HINT3: variants seen among roughly 807,000 people sequenced by gnomAD.
HINT3 encodes histidine triad nucleotide binding protein 3.
HINT3 carries 16 observed loss-of-function variants against 19.1 expected under a neutral mutation model. The observed-to-expected ratio is 0.84, with a 90% CI of 0.57 to 1.27. The LOEUF is 1.27. Among genes scored for constraint, HINT3 ranks in the 50% most tolerant of loss-of-function variants. The pLI is 0.00. For missense variants in HINT3, 197 were observed against 225.8 expected (o/e 0.87, Z 0.82); for synonymous variants, 75 against 84.8 (o/e 0.88, Z 0.63).
Position 125,973,065 on chromosome 6 carries a change from C to CTTTTTTTTTTTTTT in HINT3, c.389+752_389+765dup, listed in dbSNP as rs869084942. On this transcript the variant is annotated intron_variant, in intron 3 of 4. Coordinates refer to ENST00000229633, the MANE Select transcript of HINT3 (RefSeq NM_138571.5). Reference sequence around the variant, plus strand: ...AAGCACATGATGTTCAATTTTTCAACTTTTTTTTTTTTTTTTTTTTTTTTT... The same window carrying CTTTTTTTTTTTTTT: ...AAGCACATGATGTTCAATTTTTCAACTTTTTTTTTTTTTTTTTTTTTTTTTTTTTTTTTTTTTTT... 4.0e-5 allele frequency among the ~76,000 whole-genome samples: 3 copies of CTTTTTTTTTTTTTT among 74,482 alleles called. 1 individual carries two copies. The highest frequency in any genetic ancestry group is 1.6e-4 in the African/African-American group (3 of 18,656). The allele number at this position is 74,482 out of a possible 152,430, so 48.9% of individuals were successfully genotyped here.
At chr6:125,957,926 C>T (rs777475027) in intron 1 of HINT3, among the ~76,000 whole-genome samples, 6 of 152,030 alleles carry the variant, frequency 3.9e-5, no homozygotes, top group Admixed American at 1.3e-4. Context: ...AAATATAATT[C>T]CTTCTAAGCA....
Position 125,957,173 on chromosome 6 carries a change from T to A in HINT3, c.196T>A (p.Cys66Ser), listed in dbSNP as rs895668347. ...GGACCCGGGCACCGAACTCCTGCAC[T>A]GCGAGGTGGGCGGCGACGCGCGGCC... ...RQDPGTELLHCENEDLICFKD... is the reference protein window; with the variant it reads ...RQDPGTELLHSENEDLICFKD... Residue 66 changes from cysteine (C) to serine (S), a missense_variant, in exon 1 of 5, where the codon TGC (cysteine) becomes AGC (serine). Cys to Ser is a moderately radical substitution (Grantham distance 112). Coordinates refer to ENST00000229633, the MANE Select transcript of HINT3 (RefSeq NM_138571.5). 8 of 1,543,968 alleles carry A rather than the reference T, an allele frequency of 5.2e-6. No homozygotes were observed. Among genetic ancestry groups the A allele is most frequent in the Non-Finnish European group, 7.0e-6 (8 of 1,142,516 alleles).
chr6:125,967,794 G>A (rs568835866), intron 2 of HINT3, among the ~76,000 whole-genome samples: 1 of 152,128 alleles, frequency 6.6e-6, no homozygotes, highest in South Asian at 2.1e-4. Context: ...AGATGAATTA[G>A]CACCAAAATT....
At position 125,956,786 on chromosome 6, in the gene HINT3, T is replaced by TTTTGAGGCCGGCCTCCGGC; in HGVS notation, c.-186_-168dup. 1 of 648,206 alleles carries TTTTGAGGCCGGCCTCCGGC rather than the reference T, an allele frequency of 1.5e-6. No individual in the cohort carries two copies. Among genetic ancestry groups the TTTTGAGGCCGGCCTCCGGC allele is most frequent in the Non-Finnish European group, 2.6e-6 (1 of 383,830 alleles). The allele number at this position is 648,206 out of a possible 1,614,324, so 40.2% of individuals were successfully genotyped here. ...TTGCGCGCCCTCTAGTGGCAGCCGG[T>TTTTGAGGCCGGCCTCCGGC]TTTGAGGCCGGCCTCCGGCTTTGAA... On this transcript the variant is annotated 5_prime_UTR_variant, in exon 1 of 5. Transcript: ENST00000229633.
At chr6:125,962,713 T>C (rs1335976492) in intron 1 of HINT3, among the ~76,000 whole-genome samples, 3 of 152,144 alleles carry the variant, frequency 2.0e-5, no homozygotes, top group African/African-American at 7.2e-5. Flanking sequence ...TAAACCTCCA[T>C]ATGGTGTTGT....
At chr6:125,961,459 T>C (rs2326204) in intron 1 of HINT3, among the ~76,000 whole-genome samples, 108,801 of 152,088 alleles carry the variant, frequency 0.72, 39,482 homozygotes, top group East Asian at 0.95. Flanking sequence ...CCCTTCCCAC[T>C]AGTTGCAAGT....
chr6:125,974,993 C>T lies in HINT3; in HGVS notation c.516+20C>T, dbSNP rs760773184. On this transcript the variant is annotated intron_variant, in intron 4 of 4. Coordinates refer to ENST00000229633, the MANE Select transcript of HINT3 (RefSeq NM_138571.5). ...ATCACAGTGAGTATTCTTGTTATGT[C>T]AGCAGCATACAAAAATATTTAAAAT... 5.0e-5 allele frequency: 80 copies of T among 1,606,406 alleles called. No homozygotes were observed. The Middle Eastern group carries it at 6.6e-4, about 13-fold the overall frequency.
intron 1 of HINT3, 104 bp from the exon 2 acceptor site, chr6:125,966,783 G>A: frequency 1.4e-6 from 1 of 697,618 alleles, no homozygotes; most frequent in African/African-American, 1.8e-5. Flanking sequence ...TGTAACATAA[G>A]TATCATTTCC....
At position 125,956,854 on chromosome 6, in the gene HINT3, A is replaced by T; in HGVS notation, c.-124A>T. On this transcript the variant is annotated 5_prime_UTR_variant, in exon 1 of 5. Coordinates refer to ENST00000229633, the MANE Select transcript of HINT3 (RefSeq NM_138571.5). ...CTTCCCTCTCCCCAAAGCCTGGATC[A>T]CCGCCCAGCGTCAGGCGAGGGGCGA... 9.9e-7 allele frequency: 1 copy of T among 1,007,334 alleles called. No homozygotes were observed. The highest frequency in any genetic ancestry group is 1.4e-6 in the Non-Finnish European group (1 of 698,344). 62.4% of individuals were successfully genotyped at this position (1,007,334 alleles called of 1,614,324 possible).
chr6:125,957,786 T>G (rs1455064991), intron 1 of HINT3, among the ~76,000 whole-genome samples: 2 of 152,240 alleles, frequency 1.3e-5, no homozygotes, highest in East Asian at 3.8e-4. Context: ...CCCAGATATT[T>G]TTAAACGGAT....
Position 125,972,263 on chromosome 6 carries a change from G to A in HINT3, c.324G>A (p.Glu108=). ...TLRKDQVELV[E]NMVTVGKTIL... ...TGTGTCTTTTCTGTTTTACAGTTGAGAACATGGTAACTGTTGGAAAAACCA... is the reference window on the plus strand; with the variant it reads ...TGTGTCTTTTCTGTTTTACAGTTGAAAACATGGTAACTGTTGGAAAAACCA... The change falls in exon 3 of 5, where the codon GAG becomes GAA. Residue 108 remains glutamate, a synonymous_variant. Transcript: ENST00000229633. 1 of 1,573,792 alleles carries A rather than the reference G, an allele frequency of 6.4e-7. No homozygotes were observed. The highest frequency in any genetic ancestry group is 1.2e-5 in the South Asian group (1 of 85,100).
chr6:125,966,781 A>T lies in HINT3; in HGVS notation c.202-106A>T, dbSNP rs571096799. ...GCCCAGTGGGGGTTAGGTGTAACAT[A>T]AGTATCATTTCCCTGTCAGACTGAG... On this transcript the variant is annotated intron_variant, in intron 1 of 4. Coordinates refer to ENST00000229633, the MANE Select transcript of HINT3 (RefSeq NM_138571.5). The T allele has an allele frequency of 8.8e-6, 6 of 685,484 alleles. No homozygotes were observed. The African/African-American group carries it at 9.1e-5, about 10-fold the overall frequency. The allele number at this position is 685,484 out of a possible 1,614,324, so 42.5% of individuals were successfully genotyped here.
At chr6:125,975,926 G>C (rs867131884) in intron 4 of HINT3, among the ~76,000 whole-genome samples, 2 of 152,176 alleles carry the variant, frequency 1.3e-5, no homozygotes, top group East Asian at 1.9e-4. Flanking sequence ...CAAAGCAAAA[G>C]TGGAGTAGAG....
At chr6:125,972,603 T>G (rs72971841) in intron 3 of HINT3, among the ~76,000 whole-genome samples, 2 of 152,038 alleles carry the variant, frequency 1.3e-5, no homozygotes, top group African/African-American at 4.8e-5. Flanking sequence ...TAAAAAAAAA[T>G]TTTTGAGATA....
intron 2 of HINT3, among the ~76,000 whole-genome samples, chr6:125,970,573 C>T (rs1789083434): frequency 6.6e-6 from 1 of 151,944 alleles, no homozygotes; most frequent in East Asian, 1.9e-4. Context: ...TTGAATATTT[C>T]CATACTAAAA....
intron 4 of HINT3, among the ~76,000 whole-genome samples, chr6:125,975,542 TGTA>T (rs908461858): frequency 1.6e-4 from 24 of 151,980 alleles, no homozygotes; most frequent in Middle Eastern, 3.4e-3. Flanking sequence ...AGAAAAGAGT[TGTA>T]GTAGTAGCAT....
At chr6:125,972,727 A>G (rs1789119317) in intron 3 of HINT3, among the ~76,000 whole-genome samples, 1 of 152,056 alleles carries the variant, frequency 6.6e-6, no homozygotes, top group South Asian at 2.1e-4. Context: ...AGCTGGGACC[A>G]CAGGCAAGTA....
At chr6:125,968,463 G>A (rs530045006) in intron 2 of HINT3, among the ~76,000 whole-genome samples, 1 of 152,162 alleles carries the variant, frequency 6.6e-6, no homozygotes, top group Non-Finnish European at 1.5e-5. Flanking sequence ...GAATAGTGCT[G>A]TGACTCACAT....
chr6:125,964,010 A>G (rs1788981544), intron 1 of HINT3, among the ~76,000 whole-genome samples: 1 of 152,200 alleles, frequency 6.6e-6, no homozygotes, highest in African/African-American at 2.4e-5. Context: ...TCATTTATTT[A>G]TTCAGCAGTT....
Sources: allele counts gnomAD v4.1 joint callset (sites outside exome capture counted in the v4.1 genomes callset), GRCh38; gene constraint gnomAD v4.1.1; transcripts MANE v1.5; gene names NCBI Gene and HGNC (gene_info 2026-07-23, HGNC 2026-07-21).